Variants in GABRA2 observed in about 807,000 individuals in gnomAD.
The protein encoded by GABRA2 is gamma-aminobutyric acid type A receptor subunit alpha2, also known as gamma-aminobutyric acid receptor subunit alpha-2.
In GABRA2, 16 loss-of-function variants were observed where a neutral mutation model predicts 48.7. The ratio of observed to expected loss-of-function variants is 0.33; its 90% CI spans 0.22 to 0.50. The LOEUF is 0.50. GABRA2 is among the 20% of genes least tolerant of loss of function. GABRA2 has a pLI of 0.98. For synonymous variants in GABRA2, 185 were observed against 184.5 expected, an observed-to-expected ratio of 1.00 and a Z score of -0.02; for missense variants, 275 against 535.6, an observed-to-expected ratio of 0.51 and a Z score of 4.80.
intron 1 of GABRA2, 56 bp from the exon 2 acceptor site, chr4:46,388,772 A>G: frequency 6.2e-7 from 1 of 1,611,856 alleles, no homozygotes; most frequent in South Asian, 1.1e-5. Context: ...CTTCAGTTTC[A>G]CTATCCAAGT....
rs984652033 is a variant in GABRA2 at position 46,297,311 on chromosome 4, C to T, written c.856+6149G>A. On this transcript the variant is annotated intron_variant, in intron 8 of 9. Coordinates refer to ENST00000381620, the MANE Select transcript of GABRA2 (RefSeq NM_000807.4). ...TGGAAAGATTAGACTGGCTTAGCCT[C>T]CTAGCCTACATCTTTCTCCTGTGCT... is the stretch of plus-strand genomic sequence containing the variant. 2.8e-4 allele frequency among the ~76,000 whole-genome samples: 43 copies of T among 151,620 alleles called. 1 individual carries two copies. Among genetic ancestry groups the T allele is most frequent in the African/African-American group, 8.7e-4 (36 of 41,282 alleles).
chr4:46,262,956 A>AAG (rs889064929), intron 8 of GABRA2, among the ~76,000 whole-genome samples: 117 of 30,976 alleles, frequency 3.8e-3, no homozygotes, highest in East Asian at 0.022. Context: ...GAAAGAAAGA[A>AAG]AGAGAGAGAG....
At chr4:46,390,193 TC>T (rs1167391041), upstream of GABRA2, 16,531 of 62,700 alleles carry the variant, frequency 0.26, 1,476 homozygotes, top group Non-Finnish European at 0.31. Flanking sequence ...GGGCCCCCCC[TC>T]CCCCCCCTCC....
chr4:46,326,904 C>T (rs1334312906), intron 4 of GABRA2, among the ~76,000 whole-genome samples: 1 of 151,930 alleles, frequency 6.6e-6, no homozygotes, highest in African/African-American at 2.4e-5. Flanking sequence ...TTCCATATCC[C>T]AGTGAATAGT....
intron 3 of GABRA2, among the ~76,000 whole-genome samples, chr4:46,359,313 A>G (rs1214344201): frequency 1.3e-5 from 2 of 152,170 alleles, no homozygotes; most frequent in African/African-American, 2.4e-5. Context: ...AATTTAAGGA[A>G]ATATTCTTAA....
At chr4:46,341,730 C>T (rs1733278157) in intron 3 of GABRA2, among the ~76,000 whole-genome samples, 1 of 151,992 alleles carries the variant, frequency 6.6e-6, no homozygotes, top group African/African-American at 2.4e-5. Flanking sequence ...CATTTTAAGT[C>T]ATTTTCAGGC....
chr4:46,317,083 A>T (rs1171711953), intron 4 of GABRA2, among the ~76,000 whole-genome samples: 1 of 151,982 alleles, frequency 6.6e-6, no homozygotes, highest in Non-Finnish European at 1.5e-5. Context: ...AACTTGAGCC[A>T]GTATTTCATC....
At chr4:46,348,485 T>C (rs1231988740) in intron 3 of GABRA2, among the ~76,000 whole-genome samples, 1 of 152,024 alleles carries the variant, frequency 6.6e-6, no homozygotes, top group African/African-American at 2.4e-5. Flanking sequence ...CATATGTTTA[T>C]TGTGGCACTA....
At chr4:46,312,177 A>T (rs279860) in intron 5 of GABRA2, among the ~76,000 whole-genome samples, 1 of 151,932 alleles carries the variant, frequency 6.6e-6, no homozygotes, top group Non-Finnish European at 1.5e-5. Context: ...TATTAAAATT[A>T]TATGTTGATA....
At chr4:46,262,939 AAAG>A (rs1333633013) in intron 8 of GABRA2, among the ~76,000 whole-genome samples, 4 of 139,280 alleles carry the variant, frequency 2.9e-5, no homozygotes, top group African/African-American at 1.1e-4. Context: ...AAGAAAGAAG[AAAG>A]AAAGAAAGAA....
At chr4:46,261,635 T>G in intron 9 of GABRA2, 2 of 490,660 alleles carry the variant, frequency 4.1e-6, no homozygotes, top group Non-Finnish European at 7.2e-6. Flanking sequence ...AAGAAGGCAG[T>G]CTAGTCATAA....
At chr4:46,265,008 A>ATATATATATATATATATAG (rs1717825404) in intron 8 of GABRA2, among the ~76,000 whole-genome samples, 1 of 57,996 alleles carries the variant, frequency 1.7e-5, no homozygotes, top group Non-Finnish European at 4.1e-5. Flanking sequence ...TATATGTATA[A>ATATATATATATATATATAG]AGAGAGAGAG....
At chr4:46,288,413 G>A (rs537732320) in intron 8 of GABRA2, among the ~76,000 whole-genome samples, 30 of 152,092 alleles carry the variant, frequency 2.0e-4, no homozygotes, top group Middle Eastern at 3.4e-3. Flanking sequence ...AACAGGCTTC[G>A]TACCTACACT....
Position 46,247,855 on chromosome 4 carries a change from TA to T in GABRA2, c.*2452del, listed in dbSNP as rs1213039317. Among the ~76,000 whole-genome samples, 16 of 151,170 alleles carry T rather than the reference TA, an allele frequency of 1.1e-4. No individual in the cohort carries two copies. The highest frequency in any genetic ancestry group is 3.3e-4 in the Admixed American group (5 of 15,100). ...AGCTCCTTTTGATTTATTTAAACAT[TA>T]AAAGAAGAAGAAATATGTAAAAAGT... On this transcript the variant is annotated 3_prime_UTR_variant, in exon 10 of 10. Transcript: ENST00000381620.
At position 46,275,447 on chromosome 4, in the gene GABRA2, T is replaced by C. The variant is rs73812832; in HGVS notation, c.857-13319A>G. Among the ~76,000 whole-genome samples the C allele has an allele frequency of 6.4e-3, 968 of 152,162 alleles. 11 individuals carry two copies. Among genetic ancestry groups the C allele is most frequent in the African/African-American group, 0.022 (923 of 41,522 alleles). On this transcript the variant is annotated intron_variant, in intron 8 of 9. Coordinates refer to ENST00000381620, the MANE Select transcript of GABRA2 (RefSeq NM_000807.4). ...TTCTGCATTAAGGTAAGGGTGGATC[T>C]AAATATGGACAAAGATGGCAGACCA...
intron 8 of GABRA2, among the ~76,000 whole-genome samples, chr4:46,265,036 G>C (rs917557122): frequency 2.2e-5 from 3 of 139,398 alleles, no homozygotes; most frequent in African/African-American, 7.8e-5. Context: ...GAGAGAGAGA[G>C]AGAGAGAGAT....
chr4:46,263,070 C>G (rs895439401), intron 8 of GABRA2, among the ~76,000 whole-genome samples: 6 of 151,662 alleles, frequency 4.0e-5, no homozygotes, highest in Admixed American at 6.6e-5. Context: ...GACAAATACA[C>G]ACGTACATAT....
intron 3 of GABRA2, among the ~76,000 whole-genome samples, chr4:46,373,996 T>G (rs559377333): frequency 6.6e-6 from 1 of 152,288 alleles, no homozygotes; most frequent in Admixed American, 6.5e-5. Context: ...ATTTTAATCT[T>G]CCTTGCAAAC....
At chr4:46,265,054 G>A (rs2109365673) in intron 8 of GABRA2, among the ~76,000 whole-genome samples, 1 of 148,130 alleles carries the variant, frequency 6.8e-6, no homozygotes, top group East Asian at 2.0e-4. Flanking sequence ...GATTGAGAGA[G>A]TCAGTCTTGC....
Sources: allele counts gnomAD v4.1 joint callset (sites outside exome capture counted in the v4.1 genomes callset), GRCh38; gene constraint gnomAD v4.1.1; transcripts MANE v1.5; gene names NCBI Gene and HGNC (gene_info 2026-07-23, HGNC 2026-07-21).